The following SUCLG2 variants were observed in gnomAD, a reference collection of about 807,000 sequenced individuals.
SUCLG2 encodes the protein succinate--CoA ligase [GDP-forming] subunit beta, mitochondrial.
SUCLG2 carries 42 observed loss-of-function variants against 47.9 expected under a neutral mutation model. The ratio of observed to expected loss-of-function variants is 0.88; its 90% CI spans 0.69 to 1.14. The LOEUF (loss-of-function observed/expected upper bound fraction) is 1.14. Ranked by LOEUF, SUCLG2 falls within the 50% of genes most tolerant of loss-of-function variation. The probability of loss-of-function intolerance (pLI) is 0.00; values close to 1 mark genes in which losing one functional copy is unlikely to be tolerated. For missense variants in SUCLG2, 571 were observed against 525.9 expected, an observed-to-expected ratio of 1.09 and a Z score of -0.84; for synonymous variants, 195 against 197.3, an observed-to-expected ratio of 0.99 and a Z score of 0.10.
intron 9 of SUCLG2, among the ~76,000 whole-genome samples, chr3:67,431,140 C>T (rs1350177147): frequency 6.6e-6 from 1 of 151,344 alleles, no homozygotes; most frequent in Non-Finnish European, 1.5e-5. Context: ...CTGGCAGAGA[C>T]ACAACAAAAA....
In SUCLG2 at chr3:67,624,105, T is replaced by C. The variant is rs76542724; in HGVS notation, c.85-14509A>G. ...ACTCCTGCTCCTTCTAAGGATCTAA[T>C]AGTGCTTAATAGTTTAGGATACATT... On this transcript the variant is annotated intron_variant, in intron 1 of 10. Transcript: ENST00000307227. Among the ~76,000 whole-genome samples, 12 of 152,346 alleles carry C rather than the reference T, an allele frequency of 7.9e-5. No individual in the cohort carries two copies. The East Asian group carries it at 1.9e-3, about 24-fold the overall frequency.
At chr3:67,564,005 A>G (rs1707386524) in intron 2 of SUCLG2, among the ~76,000 whole-genome samples, 1 of 151,826 alleles carries the variant, frequency 6.6e-6, no homozygotes, top group Non-Finnish European at 1.5e-5. Flanking sequence ...AAGAAGTACT[A>G]GTTGTCCCTG....
chr3:67,652,755 T>C (rs1701309918), intron 1 of SUCLG2, among the ~76,000 whole-genome samples: 1 of 152,226 alleles, frequency 6.6e-6, no homozygotes, highest in African/African-American at 2.4e-5. Context: ...TACTCTGGAA[T>C]GCCACAAACT....
intron 10 of SUCLG2, among the ~76,000 whole-genome samples, chr3:67,393,689 C>T (rs980143847): frequency 4.6e-5 from 7 of 152,212 alleles, no homozygotes; most frequent in Admixed American, 6.5e-5. Context: ...TGGCACGCAG[C>T]TGGAGATCTG....
chr3:67,435,648 C>T (rs1703601194), intron 9 of SUCLG2, among the ~76,000 whole-genome samples: 1 of 152,048 alleles, frequency 6.6e-6, no homozygotes, highest in Non-Finnish European at 1.5e-5. Flanking sequence ...TCTAAGGTTG[C>T]AAGAATAGGA....
intron 9 of SUCLG2, among the ~76,000 whole-genome samples, chr3:67,424,782 C>A (rs1001547616): frequency 6.6e-6 from 1 of 152,138 alleles, no homozygotes; most frequent in South Asian, 2.1e-4. Context: ...TGAACTGCTG[C>A]AGGACAACGA....
At chr3:67,604,452 C>T (rs896603144) in intron 2 of SUCLG2, among the ~76,000 whole-genome samples, 1 of 152,178 alleles carries the variant, frequency 6.6e-6, no homozygotes, top group Non-Finnish European at 1.5e-5. Context: ...GAGATTTAAT[C>T]TAATCTGACT....
chr3:67,477,145 C>T (rs1179252917), intron 9 of SUCLG2, among the ~76,000 whole-genome samples: 1 of 152,168 alleles, frequency 6.6e-6, no homozygotes, highest in African/African-American at 2.4e-5. Context: ...AGTGGCCGCA[C>T]TGTGGCATCA....
At position 67,427,878 on chromosome 3, in the gene SUCLG2, T is replaced by C. The variant is rs117471629; in HGVS notation, c.1063-27027A>G. Among the ~76,000 whole-genome samples, 872 of 152,208 alleles carry C rather than the reference T, an allele frequency of 5.7e-3. 64 individuals are homozygous for C. In the East Asian group the frequency reaches 0.13, roughly 23 times the overall value. ...GCCTCACTCACTGCTACCACAGCAGTCTGAGATCGAACTGCAAGGTGGCAG... is the reference window on the plus strand; with the variant it reads ...GCCTCACTCACTGCTACCACAGCAGCCTGAGATCGAACTGCAAGGTGGCAG... On this transcript the variant is annotated intron_variant, in intron 9 of 10. Transcript: ENST00000307227.
intron 9 of SUCLG2, among the ~76,000 whole-genome samples, chr3:67,488,141 T>C (rs1256798649): frequency 1.3e-5 from 2 of 151,968 alleles, no homozygotes; most frequent in African/African-American, 2.4e-5. Flanking sequence ...AAGGTATATA[T>C]AAATATATCT....
chr3:67,586,266 A>G (rs555876754), intron 2 of SUCLG2, among the ~76,000 whole-genome samples: 1 of 152,354 alleles, frequency 6.6e-6, no homozygotes, highest in South Asian at 2.1e-4. Flanking sequence ...TCCCACCACC[A>G]GATTCACAAG....
chr3:67,389,188 T>C (rs141281803), intron 10 of SUCLG2, among the ~76,000 whole-genome samples: 5 of 151,940 alleles, frequency 3.3e-5, no homozygotes, highest in Non-Finnish European at 5.9e-5. Context: ...GAAAAGGAGA[T>C]GAGACAACAA....
chr3:67,457,545 C>G (rs1704215982), intron 9 of SUCLG2, among the ~76,000 whole-genome samples: 1 of 152,074 alleles, frequency 6.6e-6, no homozygotes, highest in Non-Finnish European at 1.5e-5. Flanking sequence ...CTCCTACTTA[C>G]AGAAGATGCC....
At chr3:67,441,239 TA>T (rs1315634027) in intron 9 of SUCLG2, among the ~76,000 whole-genome samples, 2 of 151,428 alleles carry the variant, frequency 1.3e-5, no homozygotes, top group African/African-American at 2.4e-5. Context: ...GCTGGGGGGC[TA>T]GGGGAGGGAT....
intron 9 of SUCLG2, among the ~76,000 whole-genome samples, chr3:67,447,386 C>A (rs1247731179): frequency 6.6e-6 from 1 of 151,926 alleles, no homozygotes; most frequent in Non-Finnish European, 1.5e-5. Context: ...TTTTTCCTAC[C>A]ATCTTTTCAA....
At chr3:67,547,609 C>T (rs371076145) in intron 2 of SUCLG2, among the ~76,000 whole-genome samples, 2 of 152,238 alleles carry the variant, frequency 1.3e-5, no homozygotes, top group African/African-American at 4.8e-5. Flanking sequence ...GGGGAGGGGG[C>T]AGATCTTGCT....
At chr3:67,396,575 C>T (rs1702535461) in intron 10 of SUCLG2, among the ~76,000 whole-genome samples, 1 of 152,056 alleles carries the variant, frequency 6.6e-6, no homozygotes, top group South Asian at 2.1e-4. Context: ...GGATTCACAG[C>T]CGAATTCTAC....
Position 67,576,735 on chromosome 3 carries a change from C to T in SUCLG2, c.226+32720G>A, listed in dbSNP as rs199887222. 5.9e-5 allele frequency among the ~76,000 whole-genome samples: 9 copies of T among 152,242 alleles called. No homozygotes were observed. In the East Asian group the frequency reaches 1.5e-3, roughly 26 times the overall value. On this transcript the variant is annotated intron_variant, in intron 2 of 10. Transcript: ENST00000307227. ...GTGAATTTCAGTTGAGAGTTACTCT[C>T]ACTCTGCCAACTAAATAAAAATATC... is the stretch of plus-strand genomic sequence containing the variant.
chr3:67,363,400 T>C (rs1160067664), intron 10 of SUCLG2, among the ~76,000 whole-genome samples: 1 of 152,234 alleles, frequency 6.6e-6, no homozygotes, highest in Non-Finnish European at 1.5e-5. Context: ...GCATGTTTGA[T>C]GTCTGACTGC....
Sources: gnomAD v4.1 joint callset for allele counts (sites outside exome capture counted in the v4.1 genomes callset) on GRCh38, gnomAD v4.1.1 for gene constraint, MANE v1.5 for transcripts, NCBI Gene and HGNC (gene_info 2026-07-23, HGNC 2026-07-21) for gene names.